Variants in LTBP1 observed in about 807,000 individuals in gnomAD.
LTBP1 encodes latent-transforming growth factor beta-binding protein 1.
LTBP1 carries 129 observed loss-of-function variants against 207.6 expected under a neutral mutation model. The ratio of observed to expected loss-of-function variants is 0.62; its 90% CI spans 0.54 to 0.72. The LOEUF (loss-of-function observed/expected upper bound fraction) is 0.72, where lower values mean the gene tolerates loss of function less well. LTBP1 is among the 30% of genes least tolerant of loss of function. LTBP1 has a pLI of 0.00. For synonymous variants in LTBP1, 963 were observed against 833.7 expected (o/e 1.16, Z -2.67); for missense variants, 2,281 against 2,217.2 (o/e 1.03, Z -0.58).
intron 3 of LTBP1, among the ~76,000 whole-genome samples, chr2:33,103,203 G>C (rs989542886): frequency 1.3e-5 from 2 of 151,526 alleles, no homozygotes; most frequent in Non-Finnish European, 2.9e-5. Context: ...TCTGTATGCA[G>C]TCTCTATGTT....
At chr2:33,234,565 A>G (rs1421920301) in intron 9 of LTBP1, among the ~76,000 whole-genome samples, 1 of 152,230 alleles carries the variant, frequency 6.6e-6, no homozygotes, top group Non-Finnish European at 1.5e-5. Flanking sequence ...GCTCAAAGAA[A>G]TAAGAGAGGA....
intron 3 of LTBP1, among the ~76,000 whole-genome samples, chr2:33,029,074 A>G (rs997290679): frequency 7.2e-5 from 11 of 152,238 alleles, no homozygotes; most frequent in Non-Finnish European, 1.5e-4. Context: ...CTTAGAGATC[A>G]TACAGTTCTA....
chr2:33,241,495 G>C (rs1249305505), intron 9 of LTBP1, among the ~76,000 whole-genome samples: 1 of 152,184 alleles, frequency 6.6e-6, no homozygotes, highest in East Asian at 1.9e-4. Context: ...TATGAGTCTG[G>C]GGGGAAACCT....
intron 18 of LTBP1, 55 bp downstream of exon 18, chr2:33,275,978 G>C (rs2093418699): frequency 1.4e-5 from 21 of 1,502,820 alleles, no homozygotes; most frequent in Non-Finnish European, 1.8e-5. Context: ...GGGTTGGTAG[G>C]CACCTTGCCT....
chr2:33,337,049 C>T (rs1002602672), intron 24 of LTBP1, among the ~76,000 whole-genome samples: 10 of 152,176 alleles, frequency 6.6e-5, no homozygotes, highest in African/African-American at 2.4e-4. Context: ...ACAAGATTTA[C>T]ATGACCCCAA....
intron 15 of LTBP1, among the ~76,000 whole-genome samples, 180 bp from the exon 16 acceptor site, chr2:33,273,476 T>C (rs1356547268): frequency 6.6e-6 from 1 of 152,188 alleles, no homozygotes; most frequent in East Asian, 1.9e-4. Flanking sequence ...GACTAACTAA[T>C]CCATTATAAA....
At chr2:33,104,324 TG>T (rs1327476401) in intron 3 of LTBP1, among the ~76,000 whole-genome samples, 1 of 152,204 alleles carries the variant, frequency 6.6e-6, no homozygotes, top group Non-Finnish European at 1.5e-5. Flanking sequence ...CCCCAGCCTC[TG>T]GCCTGTTTCT....
chr2:33,143,289 T>A (rs1245153836), intron 5 of LTBP1, among the ~76,000 whole-genome samples: 1 of 152,200 alleles, frequency 6.6e-6, no homozygotes, highest in Non-Finnish European at 1.5e-5. Context: ...TCTAAACTGA[T>A]TGGGAACAAA....
intron 2 of LTBP1, among the ~76,000 whole-genome samples, chr2:32,952,047 T>G (rs1346400226): frequency 6.6e-6 from 1 of 152,224 alleles, no homozygotes; most frequent in Non-Finnish European, 1.5e-5. Flanking sequence ...TGAGTTTATA[T>G]AGGTCATGTG....
intron 3 of LTBP1, 31 bp downstream of exon 3, chr2:33,021,237 G>C: frequency 6.5e-7 from 1 of 1,545,202 alleles, no homozygotes; most frequent in Non-Finnish European, 8.8e-7. Context: ...TTTAGCTAAG[G>C]ATCATCTTAA....
intron 8 of LTBP1, among the ~76,000 whole-genome samples, chr2:33,219,415 T>C (rs535826350): frequency 4.9e-4 from 74 of 152,364 alleles, no homozygotes; most frequent in African/African-American, 1.5e-3. Flanking sequence ...TGGTTTGATT[T>C]AAAAATTTTA....
intron 31 of LTBP1, among the ~76,000 whole-genome samples, chr2:33,382,074 C>CTTTTTTTTTTTTTTTT (rs70938398): frequency 4.3e-5 from 2 of 46,784 alleles, no homozygotes; most frequent in Non-Finnish European, 8.0e-5. Context: ...CCTACTGCTT[C>CTTTTTTTTTTTTTTTT]TTTTTTTTTT....
At chr2:33,179,346 G>T (rs961323400) in intron 5 of LTBP1, among the ~76,000 whole-genome samples, 2 of 151,968 alleles carry the variant, frequency 1.3e-5, no homozygotes, top group African/African-American at 2.4e-5. Flanking sequence ...ATGAATATTC[G>T]TGAAGTCTTT....
At chr2:32,985,976 A>G (rs1001403193) in intron 2 of LTBP1, among the ~76,000 whole-genome samples, 3 of 152,066 alleles carry the variant, frequency 2.0e-5, no homozygotes, top group Non-Finnish European at 2.9e-5. Flanking sequence ...GACATCGCTT[A>G]TTTGAGGGTT....
chr2:33,119,642 C>T (rs567248259), intron 4 of LTBP1, among the ~76,000 whole-genome samples: 8 of 152,218 alleles, frequency 5.3e-5, no homozygotes, highest in Admixed American at 3.3e-4. Context: ...CTGCAAGCTC[C>T]GCCTCCCGGG....
At chr2:33,051,323 G>A (rs907384943) in intron 3 of LTBP1, among the ~76,000 whole-genome samples, 1 of 152,068 alleles carries the variant, frequency 6.6e-6, no homozygotes, top group Non-Finnish European at 1.5e-5. Context: ...AGACTGAAGT[G>A]GGGGGATTAC....
Position 32,951,445 on chromosome 2 carries a change from C to G in LTBP1, c.565+2500C>G, listed in dbSNP as rs565110746. Among the ~76,000 whole-genome samples the G allele has an allele frequency of 5.5e-4, 83 of 152,284 alleles. 1 individual carries two copies. In the South Asian group the frequency reaches 0.017, roughly 30 times the overall value. ...TTACTTTGCATGTGTCTGGGAGATC[C>G]AGGGAGCTGAGAGAGCCTTCTACCT... is the stretch of plus-strand genomic sequence containing the variant. On this transcript the variant is annotated intron_variant, in intron 2 of 33. Transcript: ENST00000404816.
intron 3 of LTBP1, among the ~76,000 whole-genome samples, chr2:33,067,412 A>G (rs1379908902): frequency 6.6e-6 from 1 of 152,220 alleles, no homozygotes; most frequent in Non-Finnish European, 1.5e-5. Flanking sequence ...ATGCTGTCAA[A>G]AGTGAAAATA....
chr2:33,114,406 G>GC (rs1463805013), intron 4 of LTBP1, among the ~76,000 whole-genome samples: 1 of 151,884 alleles, frequency 6.6e-6, no homozygotes, highest in African/African-American at 2.4e-5. Flanking sequence ...TGGCTCATGG[G>GC]CTATAGTTTG....
Sources: allele counts gnomAD v4.1 joint callset (sites outside exome capture counted in the v4.1 genomes callset), GRCh38; gene constraint gnomAD v4.1.1; transcripts MANE v1.5; gene names NCBI Gene and HGNC (gene_info 2026-07-23, HGNC 2026-07-21).